Variants in CLUH observed in about 807,000 individuals in gnomAD.
The protein encoded by CLUH is clustered mitochondria protein homolog.
Under a neutral mutation model 139.3 loss-of-function variants are expected in CLUH, and 77 were observed. The ratio of observed to expected loss-of-function variants is 0.55; its 90% CI spans 0.46 to 0.67. The LOEUF is 0.67. CLUH is among the 30% of genes least tolerant of loss of function. CLUH has a pLI of 0.00. For missense variants in CLUH, 1,876 were observed against 1,875.8 expected (o/e 1.00, Z 0.00); for synonymous variants, 999 against 801.6 (o/e 1.25, Z -4.16).
At chr17:2,700,038 C>T (rs555663293) in intron 9 of CLUH, among the ~76,000 whole-genome samples, 77 of 152,354 alleles carry the variant, frequency 5.1e-4, no homozygotes, top group Non-Finnish European at 9.3e-4. Context: ...AATGAGCACC[C>T]GCCCTAGAAG....
chr17:2,696,584 G>A (rs970166140), intron 11 of CLUH, 46 bp from the exon 12 acceptor site: 4 of 1,534,580 alleles, frequency 2.6e-6, no homozygotes, highest in Non-Finnish European at 3.5e-6. Context: ...TCTGCCACCG[G>A]TGGAGCTGGG....
chr17:2,698,483 G>C lies in CLUH; in HGVS notation c.1374C>G (p.Ile458Met). Reference sequence around the variant, plus strand: ...CCAGGCTGAAGAAGATGTTGTTCCAGATGAACATCTGCATCTTGGTCTCCT... The same window carrying C: ...CCAGGCTGAAGAAGATGTTGTTCCACATGAACATCTGCATCTTGGTCTCCT... ...PSEETKMQMF[I>M]WNNIFFSLGF... The change falls in exon 10 of 26, where the codon ATC becomes ATG. Residue 458 changes from isoleucine (I) to methionine (M), a missense_variant. Physicochemically the swap from Ile to Met is conservative, Grantham distance 10 (BLOSUM62 1). Around this residue, in one of 3 missense-constraint regions of CLUH, gnomAD observed 1,454 missense variants for 1,384.4 expected, o/e 1.05. Transcript: ENST00000651024. 1 of 1,613,222 alleles carries C rather than the reference G, an allele frequency of 6.2e-7. No homozygotes were observed. The highest frequency in any genetic ancestry group is 8.5e-7 in the Non-Finnish European group (1 of 1,179,802).
At position 2,707,898 on chromosome 17, in the gene CLUH, A is replaced by T. The variant is rs1449945609; in HGVS notation, c.101-3334T>A. 1 of 985,144 alleles carries T rather than the reference A, an allele frequency of 1.0e-6. No homozygotes were observed. Among genetic ancestry groups the T allele is most frequent in the Admixed American group, 6.2e-5 (1 of 16,256 alleles). The allele number at this position is 985,144 out of a possible 1,614,324, so 61.0% of individuals were successfully genotyped here. A position where few individuals can be genotyped will look rare whatever the true frequency, so the allele number is the denominator to read the frequency against. On this transcript the variant is annotated intron_variant, in intron 1 of 25. Coordinates refer to ENST00000651024, the MANE Select transcript of CLUH (RefSeq NM_001366661.1). This position sits in a 1 kb window ranked among gnomAD's most constrained non-coding sequence, Gnocchi z 7.4. Reference sequence around the variant, plus strand: ...ACTGGTTCTGGTGGAAGGGAGGGGGATGGGCCCCCAGCTTCCCAGAGGACA... The same window carrying T: ...ACTGGTTCTGGTGGAAGGGAGGGGGTTGGGCCCCCAGCTTCCCAGAGGACA...
In CLUH at chr17:2,706,348, G is replaced by T. The variant is rs1217638994; in HGVS notation, c.101-1784C>A. Among the ~76,000 whole-genome samples the T allele has an allele frequency of 1.3e-5, 2 of 152,108 alleles. No homozygotes were observed. Among genetic ancestry groups the T allele is most frequent in the African/African-American group, 2.4e-5 (1 of 41,418 alleles). On this transcript the variant is annotated intron_variant, in intron 1 of 25. Coordinates refer to ENST00000651024, the MANE Select transcript of CLUH (RefSeq NM_001366661.1). The surrounding 1 kb of genome is among the most constrained non-coding windows in gnomAD (Gnocchi z 4.6). ...GTCTCTTCCCCCTTACCCCAAAGAG[G>T]GGTATTTGAAGCCCAGAAAGGCTCG...
chr17:2,695,361 G>C lies in CLUH; in HGVS notation c.2544+13C>G. 1 of 1,613,006 alleles carries C rather than the reference G, an allele frequency of 6.2e-7. No individual in the cohort carries two copies. Among genetic ancestry groups the C allele is most frequent in the Non-Finnish European group, 8.5e-7 (1 of 1,179,696 alleles). ...CACAGCTCCCGTTCCGCCCCACCCC[G>C]GGCAGCACTCACAAAGACGTGGTCC... On this transcript the variant is annotated intron_variant, in intron 14 of 25. Coordinates refer to ENST00000651024, the MANE Select transcript of CLUH (RefSeq NM_001366661.1).
intron 25 of CLUH, 88 bp downstream of exon 25, chr17:2,691,521 G>A (rs1037367582): frequency 2.2e-5 from 30 of 1,342,952 alleles, no homozygotes; most frequent in East Asian, 1.0e-4. Context: ...GGATGGCGCC[G>A]CCGCACTCCA....
chr17:2,695,305 T>G (rs541218603), intron 14 of CLUH, 25 bp from the exon 15 acceptor site: 1 of 1,613,664 alleles, frequency 6.2e-7, no homozygotes, highest in East Asian at 2.2e-5. Context: ...AAGGGAGGTC[T>G]TGGTCAGGCC....
chr17:2,699,411 G>C (rs1040989485), intron 9 of CLUH, among the ~76,000 whole-genome samples: 26 of 151,988 alleles, frequency 1.7e-4, no homozygotes, highest in Non-Finnish European at 7.4e-5. Context: ...CTGAAGCCTC[G>C]ACTTCCCCTG....
intron 19 of CLUH, 21 bp from the exon 20 acceptor site, chr17:2,692,881 T>C (rs1225274810): frequency 3.2e-6 from 5 of 1,558,838 alleles, no homozygotes; most frequent in African/African-American, 1.4e-5. Context: ...ACAGTGGTGG[T>C]TGCCGCGGCG....
At chr17:2,691,335 G>A (rs536861142) in intron 25 of CLUH, among the ~76,000 whole-genome samples, 3 of 152,204 alleles carry the variant, frequency 2.0e-5, no homozygotes, top group African/African-American at 4.8e-5. Flanking sequence ...AGGCCGAGGC[G>A]GGCGGATCGC....
rs369982088 is a variant in CLUH, at chr17:2,695,201, G to A, written c.2607+17C>T. 28 of 1,613,880 alleles carry A rather than the reference G, an allele frequency of 1.7e-5. No individual in the cohort carries two copies. The highest frequency in any genetic ancestry group is 2.3e-5 in the Non-Finnish European group (27 of 1,179,850). On this transcript the variant is annotated intron_variant, in intron 15 of 25. Coordinates refer to ENST00000651024, the MANE Select transcript of CLUH (RefSeq NM_001366661.1). ...CCCTGGGAGGCCATGGCCAGCCGCA[G>A]AGCGGACGGGTGGCACCTGTAAGTA...
rs891202278 is a variant in CLUH, at chr17:2,708,005, C to G, written c.101-3441G>C. On this transcript the variant is annotated intron_variant, in intron 1 of 25. Transcript: ENST00000651024. The stretch of plus-strand genomic sequence containing the variant: ...TCCCTTCCCAGCAGCCCCGGCTCTG[C>G]CAGGAGGGAACCAAGTCTCTCCCAG... 1.3e-5 allele frequency: 13 copies of G among 985,324 alleles called. No homozygotes were observed. The African/African-American group carries it at 2.1e-4, about 16-fold the overall frequency. 61.0% of individuals were successfully genotyped at this position (985,324 alleles called of 1,614,324 possible). A position where few individuals can be genotyped will look rare whatever the true frequency, so the allele number is the denominator to read the frequency against.
intron 19 of CLUH, 190 bp from the exon 20 acceptor site, chr17:2,693,050 G>A (rs546077006): frequency 2.2e-6 from 1 of 456,976 alleles, no homozygotes; most frequent in Non-Finnish European, 3.8e-6. Flanking sequence ...GGCAGGTCAC[G>A]CTCCACAGAG....
intron 13 of CLUH, 194 bp from the exon 14 acceptor site, chr17:2,695,720 C>T (rs1375811057): frequency 8.5e-6 from 6 of 704,204 alleles, no homozygotes; most frequent in South Asian, 1.9e-5. Flanking sequence ...GGTGGTGGTA[C>T]AGGCCCCCTC....
At position 2,690,581 on chromosome 17, in the gene CLUH, T is replaced by A. The variant is rs2069582546; in HGVS notation, c.*13A>T. The A allele has an allele frequency of 6.9e-7, 1 of 1,442,002 alleles. No homozygotes were observed. 89.3% of individuals were successfully genotyped at this position (1,442,002 alleles called of 1,614,324 possible). On this transcript the variant is annotated 3_prime_UTR_variant, in exon 26 of 26. Transcript: ENST00000651024. ...GACGGGGCCGCTGGCTGGCTGTCCG[T>A]CTGGCTCCCTCTCTATCCCTGCACG...
rs1167519612 is a variant in CLUH at position 2,692,034 on chromosome 17, C to T, written c.3624G>A (p.Glu1208=). ...KAEFRSALQH[E]KEGYTIYKTQ... ...TCTTGTAGATGGTGTAACCCTCCTT[C>T]TCGTGCTGCAGGGCCGACCGGAACT... Residue 1208 remains glutamate (E), a synonymous_variant, in exon 23 of 26, where the codon GAG becomes GAA. Transcript: ENST00000651024. The T allele has an allele frequency of 2.5e-6, 4 of 1,594,716 alleles. No homozygotes were observed. The East Asian group carries it at 6.8e-5, about 27-fold the overall frequency.
In CLUH at chr17:2,703,430, C is replaced by A; in HGVS notation, c.363G>T (p.Thr121=). 2 of 1,613,700 alleles carry A rather than the reference C, an allele frequency of 1.2e-6. No homozygotes were observed. Among genetic ancestry groups the A allele is most frequent in the Non-Finnish European group, 1.7e-6 (2 of 1,179,856 alleles). The change falls in exon 3 of 26, where the codon ACG becomes ACT. Residue 121 remains threonine (T), a synonymous_variant. Transcript: ENST00000651024. The surrounding 1 kb of genome is among the most constrained non-coding windows in gnomAD (Gnocchi z 4.2). ...GCAGTGAGAAGCAGGTGCGGTGACA[C>A]GTGTCCTCCCGGTCCATGAGCACCT... ...IHQVLMDRED[T]CHRTCFSLHL... is the part of the protein sequence containing the mutation.
At chr17:2,697,864 C>T (rs2070019765) in intron 10 of CLUH, 32 bp downstream of exon 10, 2 of 1,449,320 alleles carry the variant, frequency 1.4e-6, no homozygotes, top group Non-Finnish European at 9.1e-7. Context: ...TGCAGCTGGC[C>T]CCGGCCCTGG....
chr17:2,696,983 G>T (rs750522190), intron 10 of CLUH, 41 bp from the exon 11 acceptor site: 1 of 1,441,888 alleles, frequency 6.9e-7, no homozygotes, highest in South Asian at 1.4e-5. Flanking sequence ...GCTGGACATC[G>T]GGGAGAGGAG....
Sources: gnomAD v4.1 joint callset for allele counts (sites outside exome capture counted in the v4.1 genomes callset) on GRCh38, gnomAD v4.1.1 for gene constraint, gnomAD v4.1.1 regional missense constraint, Gnocchi (gnomAD v3.1) non-coding constraint, MANE v1.5 for transcripts, NCBI Gene and HGNC (gene_info 2026-07-23, HGNC 2026-07-21) for gene names.